The following RIGI variants were observed in gnomAD, a reference collection of about 807,000 sequenced individuals.
RIGI encodes the protein antiviral innate immune response receptor RIG-I.
chr9:32,509,468 G>A, the RIGI span, among the ~76,000 whole-genome samples: 1 of 152,218 alleles, frequency 6.6e-6, no homozygotes, highest in African/African-American at 2.4e-5. Flanking sequence ...AGGGTCTGGA[G>A]TGGACATCCA....
At chr9:32,472,314 C>T in the RIGI span, among the ~76,000 whole-genome samples, 1 of 152,150 alleles carries the variant, frequency 6.6e-6, no homozygotes, top group African/African-American at 2.4e-5. Flanking sequence ...AAAAACAACC[C>T]TGGCTTTGTC....
the RIGI span, chr9:32,457,519 G>A: frequency 3.0e-6 from 3 of 1,016,912 alleles, no homozygotes; most frequent in South Asian, 2.2e-5. Context: ...AATAATCTGA[G>A]GCAAAGAACA....
chr9:32,499,429 G>T, the RIGI span, among the ~76,000 whole-genome samples: 1 of 142,314 alleles, frequency 7.0e-6, no homozygotes, highest in East Asian at 2.1e-4. Flanking sequence ...GTTAGCGTTT[G>T]TTTTTTAAAT....
chr9:32,481,076 A>G, the RIGI span, among the ~76,000 whole-genome samples: 1 of 152,162 alleles, frequency 6.6e-6, no homozygotes, highest in South Asian at 2.1e-4. Flanking sequence ...ATTTTTTCCA[A>G]CCATGTCAGT....
chr9:32,457,103 G>C, the RIGI span: 12 of 1,599,042 alleles, frequency 7.5e-6, no homozygotes, highest in African/African-American at 1.6e-4. Context: ...CCCTGTAGCT[G>C]AAGATTGAGG....
chr9:32,502,402 T>C, the RIGI span, among the ~76,000 whole-genome samples: 1 of 152,238 alleles, frequency 6.6e-6, no homozygotes, highest in African/African-American at 2.4e-5. Context: ...TTATGGTAAC[T>C]CCATTTTTAA....
At chr9:32,481,421 T>C in the RIGI span, 1 of 1,613,308 alleles carries the variant, frequency 6.2e-7, no homozygotes, top group Non-Finnish European at 8.5e-7. Context: ...ACACCATGCA[T>C]GCTTTCTGAA....
the RIGI span, among the ~76,000 whole-genome samples, chr9:32,492,892 T>C: frequency 4.0e-5 from 6 of 151,284 alleles, no homozygotes; most frequent in African/African-American, 1.2e-4. Flanking sequence ...TAACAAAATA[T>C]TAACAAATTT....
the RIGI span, chr9:32,457,246 G>A: frequency 6.2e-7 from 1 of 1,614,036 alleles, no homozygotes; most frequent in Non-Finnish European, 8.5e-7. Context: ...TTTTATAACT[G>A]GAATCTCAAA....
chr9:32,457,983 G>A, the RIGI span, among the ~76,000 whole-genome samples: 1 of 152,162 alleles, frequency 6.6e-6, no homozygotes, highest in Non-Finnish European at 1.5e-5. Context: ...CACCCAAATT[G>A]GAGCTGAAAG....
the RIGI span, among the ~76,000 whole-genome samples, chr9:32,482,262 C>G: frequency 8.6e-5 from 13 of 152,030 alleles, no homozygotes; most frequent in African/African-American, 2.9e-4. Flanking sequence ...AAGTACCTTA[C>G]ATTCATAATT....
the RIGI span, among the ~76,000 whole-genome samples, chr9:32,490,361 ACT>A: frequency 6.6e-6 from 1 of 152,086 alleles, no homozygotes; most frequent in South Asian, 2.1e-4. Context: ...AGAGCGAGAG[ACT>A]CAGTCTCAAA....
chr9:32,495,272 G>C, the RIGI span, among the ~76,000 whole-genome samples: 2 of 152,142 alleles, frequency 1.3e-5, no homozygotes, highest in African/African-American at 4.8e-5. Flanking sequence ...CACGATCTCG[G>C]CTCACTGCAA....
the RIGI span, among the ~76,000 whole-genome samples, chr9:32,504,220 G>C: frequency 2.6e-5 from 4 of 152,154 alleles, no homozygotes; most frequent in African/African-American, 9.7e-5. Flanking sequence ...TCTGATTGCA[G>C]AGAGGGTTAG....
the RIGI span, chr9:32,456,719 C>G: frequency 6.2e-6 from 1 of 160,996 alleles, no homozygotes; most frequent in African/African-American, 2.4e-5. Flanking sequence ...TGGTAACCTT[C>G]AAAAGAACAA....
At chr9:32,466,145 A>C in the RIGI span, 3 of 815,194 alleles carry the variant, frequency 3.7e-6, no homozygotes, top group Non-Finnish European at 3.8e-6. Context: ...ACATTTAAAA[A>C]CAGAATGAAT....
chr9:32,472,625 T>TG, the RIGI span, among the ~76,000 whole-genome samples: 3 of 152,200 alleles, frequency 2.0e-5, no homozygotes, highest in Non-Finnish European at 4.4e-5. Context: ...AGCTCATGTC[T>TG]GGGGGGTTCC....
the RIGI span, among the ~76,000 whole-genome samples, chr9:32,458,878 A>G: frequency 6.9e-6 from 1 of 145,094 alleles, no homozygotes; most frequent in Admixed American, 7.1e-5. Context: ...ACGTCATTGC[A>G]TTTAGCATGA....
At chr9:32,497,737 C>G in the RIGI span, among the ~76,000 whole-genome samples, 6 of 151,872 alleles carry the variant, frequency 4.0e-5, no homozygotes, top group African/African-American at 1.5e-4. Context: ...GGCGACAGAG[C>G]GAGACTCCGT....
Sources: gnomAD v4.1 joint callset for allele counts (sites outside exome capture counted in the v4.1 genomes callset) on GRCh38, gnomAD v4.1.1 for gene constraint, MANE v1.5 for transcripts, NCBI Gene and HGNC (gene_info 2026-07-23, HGNC 2026-07-21) for gene names.